Variants in ZNF469 observed in about 807,000 individuals in gnomAD.
The protein encoded by ZNF469 is zinc finger protein 469.
In ZNF469, 1 loss-of-function variant was observed where a neutral mutation model predicts 1.0. The observed-to-expected ratio is 1.00, with a 90% CI of 0.35 to 4.73. The LOEUF is 4.73. Among genes scored for constraint, ZNF469 ranks in the 30% most tolerant of loss-of-function variants. ZNF469 has a pLI of 0.16. For synonymous variants in ZNF469, 2,703 were observed against 2,363.4 expected (o/e 1.14, Z -4.17); for missense variants, 6,100 against 5,356.3 (o/e 1.14, Z -4.33).
the ZNF469 span, among the ~76,000 whole-genome samples, chr16:88,250,703 T>C: frequency 6.6e-6 from 1 of 152,202 alleles, no homozygotes; most frequent in South Asian, 2.1e-4. Flanking sequence ...AAGTAATTTG[T>C]TTTCACTTAT....
the ZNF469 span, among the ~76,000 whole-genome samples, chr16:88,211,674 A>G: frequency 2.5e-3 from 382 of 152,112 alleles, 1 homozygote; most frequent in African/African-American, 9.0e-3. Context: ...GGCAGAGTTT[A>G]TATGCAGAAC....
intron 1 of ZNF469, among the ~76,000 whole-genome samples, chr16:88,402,670 GC>G (rs1458675094): frequency 6.6e-6 from 1 of 152,140 alleles, no homozygotes; most frequent in African/African-American, 2.4e-5. Flanking sequence ...CTTTCTCAGG[GC>G]CCTCTCTCAT....
At chr16:88,254,758 C>CAATAAATA in the ZNF469 span, among the ~76,000 whole-genome samples, 1 of 150,858 alleles carries the variant, frequency 6.6e-6, no homozygotes, top group Non-Finnish European at 1.5e-5. Flanking sequence ...AACTCTGTCT[C>CAATAAATA]AATAAATAAA....
chr16:88,145,220 T>C, the ZNF469 span, among the ~76,000 whole-genome samples: 6 of 152,314 alleles, frequency 3.9e-5, no homozygotes, highest in African/African-American at 1.4e-4. Flanking sequence ...TGATGTGTCA[T>C]GTTCAGGGAA....
At chr16:88,251,199 T>A in the ZNF469 span, among the ~76,000 whole-genome samples, 1 of 152,146 alleles carries the variant, frequency 6.6e-6, no homozygotes, top group African/African-American at 2.4e-5. Flanking sequence ...TGATAGCACA[T>A]TTTCCTTCAG....
the ZNF469 span, among the ~76,000 whole-genome samples, chr16:88,112,466 A>G: frequency 1.3e-5 from 2 of 152,190 alleles, no homozygotes; most frequent in African/African-American, 4.8e-5. Flanking sequence ...TTTTTTGGAT[A>G]AAGGCCATTT....
the ZNF469 span, among the ~76,000 whole-genome samples, chr16:88,359,095 T>C: frequency 6.6e-6 from 1 of 152,212 alleles, no homozygotes; most frequent in African/African-American, 2.4e-5. Context: ...CACACAGCTA[T>C]TCAGAGGATC....
intron 1 of ZNF469, among the ~76,000 whole-genome samples, chr16:88,408,480 G>A (rs1905070526): frequency 6.6e-6 from 1 of 152,232 alleles, no homozygotes; most frequent in Non-Finnish European, 1.5e-5. Context: ...ACAAAGGGAG[G>A]GCAAGTTTTC....
the ZNF469 span, among the ~76,000 whole-genome samples, chr16:88,268,652 G>A: frequency 7.9e-5 from 12 of 152,348 alleles, no homozygotes; most frequent in Non-Finnish European, 1.3e-4. Context: ...CCAGCAGGAC[G>A]TGTGGCTGTC....
At chr16:88,370,348 C>T in the ZNF469 span, among the ~76,000 whole-genome samples, 1 of 152,108 alleles carries the variant, frequency 6.6e-6, no homozygotes, top group Non-Finnish European at 1.5e-5. Flanking sequence ...GTGGGGCGGG[C>T]TCCACCTCAT....
chr16:88,176,576 T>C, the ZNF469 span, among the ~76,000 whole-genome samples: 1 of 152,170 alleles, frequency 6.6e-6, no homozygotes, highest in East Asian at 1.9e-4. Context: ...CTCTCTCCCA[T>C]GAAATTAAAG....
At chr16:88,332,725 G>A in the ZNF469 span, among the ~76,000 whole-genome samples, 1 of 152,306 alleles carries the variant, frequency 6.6e-6, no homozygotes, top group African/African-American at 2.4e-5. Flanking sequence ...GGGAGGGGGG[G>A]CTGCTGGGAA....
chr16:88,125,785 T>C, the ZNF469 span, among the ~76,000 whole-genome samples: 1 of 152,262 alleles, frequency 6.6e-6, no homozygotes. Context: ...AATGGTATTT[T>C]TTAAAAATTT....
the ZNF469 span, among the ~76,000 whole-genome samples, chr16:88,294,296 C>A: frequency 2.6e-5 from 4 of 152,214 alleles, no homozygotes; most frequent in Admixed American, 2.6e-4. Flanking sequence ...TGCCATCCTA[C>A]CTCCTGCCCT....
At chr16:88,353,811 G>A in the ZNF469 span, among the ~76,000 whole-genome samples, 1 of 152,200 alleles carries the variant, frequency 6.6e-6, no homozygotes, top group Non-Finnish European at 1.5e-5. Flanking sequence ...GCCACTCGCT[G>A]AGGACCGCCT....
the ZNF469 span, among the ~76,000 whole-genome samples, chr16:88,272,433 G>A: frequency 6.8e-6 from 1 of 148,086 alleles, no homozygotes; most frequent in Admixed American, 6.8e-5. Context: ...TGGTGTGGAT[G>A]GTTGTATGCT....
At chr16:88,316,482 G>A in the ZNF469 span, among the ~76,000 whole-genome samples, 1 of 151,556 alleles carries the variant, frequency 6.6e-6, no homozygotes, top group South Asian at 2.1e-4. Context: ...GGTGGGCCTG[G>A]GCTCCCTGCT....
chr16:88,397,211 C>T (rs1213202547), intron 1 of ZNF469, among the ~76,000 whole-genome samples: 1 of 152,216 alleles, frequency 6.6e-6, no homozygotes, highest in Non-Finnish European at 1.5e-5. Flanking sequence ...AGCAAAGGAC[C>T]CAGGGAAGCC....
chr16:88,421,735 C>T (rs188732739), intron 1 of ZNF469, among the ~76,000 whole-genome samples: 18 of 152,344 alleles, frequency 1.2e-4, no homozygotes, highest in African/African-American at 1.9e-4. Context: ...TTGTTCAGCG[C>T]GGAAGAAGCA....
Sources: allele counts gnomAD v4.1 joint callset (sites outside exome capture counted in the v4.1 genomes callset), GRCh38; gene constraint gnomAD v4.1.1; transcripts MANE v1.5; gene names NCBI Gene and HGNC (gene_info 2026-07-23, HGNC 2026-07-21).